Variants in ABCC9 observed in about 807,000 individuals in gnomAD.
ABCC9 encodes ATP binding cassette subfamily C member 9.
In ABCC9, 95 loss-of-function variants were observed where a neutral mutation model predicts 188.3. The observed-to-expected ratio is 0.50, with a 90% CI of 0.43 to 0.60. The LOEUF is 0.60. Among genes scored for constraint, ABCC9 ranks in the 20% least tolerant of loss-of-function variants. The pLI is 0.00. For missense variants in ABCC9, 1,102 were observed against 1,876.3 expected (o/e 0.59, Z 7.62); for synonymous variants, 659 against 652.7 (o/e 1.01, Z -0.15).
At chr12:21,850,836 C>T (rs1944926944) in intron 24 of ABCC9, among the ~76,000 whole-genome samples, 1 of 152,102 alleles carries the variant, frequency 6.6e-6, no homozygotes. Flanking sequence ...TAAGCAGGCA[C>T]TTGTCAACTG....
At chr12:21,809,015 T>A (rs922328160) in intron 37 of ABCC9, among the ~76,000 whole-genome samples, 3 of 152,146 alleles carry the variant, frequency 2.0e-5, no homozygotes, top group African/African-American at 7.2e-5. Context: ...TTTTATTTTG[T>A]AGGTTGACTT....
intron 29 of ABCC9, among the ~76,000 whole-genome samples, chr12:21,839,381 T>A (rs12371172): frequency 0.051 from 7,815 of 152,140 alleles, 326 homozygotes; most frequent in South Asian, 0.11. Flanking sequence ...AAGAAGACAT[T>A]TGGAGGGAAA....
At chr12:21,902,053 C>T (rs955664523) in intron 12 of ABCC9, among the ~76,000 whole-genome samples, 1 of 152,130 alleles carries the variant, frequency 6.6e-6, no homozygotes, top group African/African-American at 2.4e-5. Context: ...GGAAGTAAAG[C>T]ACTCCTCAGC....
At chr12:21,939,591 C>G (rs1196298310) in intron 2 of ABCC9, among the ~76,000 whole-genome samples, 1 of 152,128 alleles carries the variant, frequency 6.6e-6, no homozygotes, top group Non-Finnish European at 1.5e-5. Flanking sequence ...TCAGCTCCAC[C>G]CCTTCTGGAG....
chr12:21,875,940 C>T (rs1476882513), intron 16 of ABCC9, among the ~76,000 whole-genome samples: 4 of 152,048 alleles, frequency 2.6e-5, no homozygotes, highest in South Asian at 2.1e-4. Context: ...AAAAATTAGC[C>T]GGGCGTGGTG....
chr12:21,860,898 TTA>T (rs1945470054), intron 21 of ABCC9, 71 bp downstream of exon 21: 1 of 1,192,862 alleles, frequency 8.4e-7, no homozygotes, highest in East Asian at 2.4e-5. Context: ...TGATTCTCTA[TTA>T]AAGATTAAAG....
intron 5 of ABCC9, chr12:21,925,451 T>C: frequency 1.4e-6 from 1 of 701,746 alleles, no homozygotes; most frequent in Non-Finnish European, 2.6e-6. Flanking sequence ...AAACATACTC[T>C]GCTACATAGT....
At chr12:21,829,425 T>G (rs910005917) in intron 30 of ABCC9, among the ~76,000 whole-genome samples, 1 of 152,026 alleles carries the variant, frequency 6.6e-6, no homozygotes, top group Non-Finnish European at 1.5e-5. Flanking sequence ...ATGGTCTCGA[T>G]CTCCTGACCT....
chr12:21,896,546 G>A (rs963028643), intron 12 of ABCC9, among the ~76,000 whole-genome samples: 1 of 152,130 alleles, frequency 6.6e-6, no homozygotes, highest in Non-Finnish European at 1.5e-5. Context: ...AAGCCCAGAT[G>A]CATTAGCTAC....
chr12:21,818,282 G>A (rs1166375273), intron 31 of ABCC9, 31 bp from the exon 32 acceptor site: 3 of 1,580,302 alleles, frequency 1.9e-6, no homozygotes, highest in African/African-American at 1.3e-5. Context: ...ATGTTAAAAG[G>A]TTACTCCCAA....
chr12:21,930,572 G>A (rs984600004), intron 4 of ABCC9, among the ~76,000 whole-genome samples: 7 of 152,112 alleles, frequency 4.6e-5, no homozygotes, highest in African/African-American at 1.7e-4. Flanking sequence ...AGAATTACAG[G>A]CCAGTGGAGC....
intron 7 of ABCC9, among the ~76,000 whole-genome samples, chr12:21,913,790 A>C (rs1948425579): frequency 6.6e-6 from 1 of 152,110 alleles, no homozygotes; most frequent in Admixed American, 6.6e-5. Flanking sequence ...TTTAGGGAGG[A>C]GGTAGATAAA....
At chr12:21,878,994 A>C (rs1262956824) in intron 16 of ABCC9, among the ~76,000 whole-genome samples, 1 of 152,212 alleles carries the variant, frequency 6.6e-6, no homozygotes, top group African/African-American at 2.4e-5. Context: ...GGATCATGTA[A>C]GGATAGGTAC....
Position 21,812,066 on chromosome 12 carries a change from T to C in ABCC9, c.4194A>G (p.Leu1398=), listed in dbSNP as rs2137148458. The part of the protein sequence containing the change: ...RLSIILQDPI[L]FSGSIRFNLD... ...TTACCTACCTAATGGAACCACTGAA[T>C]AGTATTGGATCCTGCAGAATGATTG... Residue 1398 remains leucine (L), a synonymous_variant, in exon 36 of 40, where the codon CTA becomes CTG. Coordinates refer to ENST00000261200, the MANE Select transcript of ABCC9 (RefSeq NM_020297.4). The C allele has an allele frequency of 6.2e-7, 1 of 1,608,220 alleles. No individual in the cohort carries two copies. Among genetic ancestry groups the C allele is most frequent in the South Asian group, 1.1e-5 (1 of 90,992 alleles).
intron 18 of ABCC9, among the ~76,000 whole-genome samples, chr12:21,870,609 T>C (rs1333121148): frequency 6.6e-6 from 1 of 152,152 alleles, no homozygotes; most frequent in African/African-American, 2.4e-5. Flanking sequence ...ACTGAGTAAA[T>C]GTTTCTGTTT....
Position 21,925,994 on chromosome 12 carries a change from C to T in ABCC9, c.354G>A (p.Ser118=), listed in dbSNP as rs189582135. The T allele has an allele frequency of 1.9e-5, 31 of 1,613,808 alleles. No individual in the cohort carries two copies. Among genetic ancestry groups the T allele is most frequent in the African/African-American group, 1.9e-4 (14 of 75,018 alleles). ...AVMGFVATTT[S]IVYYHNIETS... ...TTTCGATATTATGATAATACACTAT[C>T]GATGTTGTAGTGGCAACGAATCCCA... Residue 118 remains serine, a synonymous_variant, in exon 5 of 40, where the codon TCG becomes TCA. Coordinates refer to ENST00000261200, the MANE Select transcript of ABCC9 (RefSeq NM_020297.4).
chr12:21,810,020 T>C, intron 36 of ABCC9, 65 bp from the exon 37 acceptor site: 1 of 1,003,266 alleles, frequency 1.0e-6, no homozygotes, highest in African/African-American at 1.6e-5. Flanking sequence ...GTATATTTGC[T>C]TATTGCTTTT....
chr12:21,827,998 C>T, intron 31 of ABCC9, among the ~76,000 whole-genome samples: 1 of 152,176 alleles, frequency 6.6e-6, no homozygotes, highest in East Asian at 1.9e-4. Context: ...CCTTTACCAT[C>T]TTCCTTCTCT....
At chr12:21,896,974 T>C (rs916454731) in intron 12 of ABCC9, among the ~76,000 whole-genome samples, 1 of 152,222 alleles carries the variant, frequency 6.6e-6, no homozygotes, top group African/African-American at 2.4e-5. Context: ...TTTCTGGTTC[T>C]AGGTTTTTGA....
Sources: allele counts gnomAD v4.1 joint callset (sites outside exome capture counted in the v4.1 genomes callset), GRCh38; gene constraint gnomAD v4.1.1; transcripts MANE v1.5; gene names NCBI Gene and HGNC (gene_info 2026-07-23, HGNC 2026-07-21).